Variants in KIAA1217 observed in about 807,000 individuals in gnomAD.
KIAA1217 encodes the protein sickle tail protein homolog.
In KIAA1217, 88 loss-of-function variants were observed where a neutral mutation model predicts 163.9. The observed-to-expected ratio is 0.54, with a 90% CI of 0.45 to 0.64. The LOEUF (loss-of-function observed/expected upper bound fraction) is 0.64, where lower values mean the gene tolerates loss of function less well. Ranked by LOEUF, KIAA1217 falls within the 30% of genes least tolerant of loss-of-function variation. The pLI, the probability that KIAA1217 is intolerant of heterozygous loss-of-function variation, is 0.00. For synonymous variants in KIAA1217, 903 were observed against 923.1 expected (o/e 0.98, Z 0.39); for missense variants, 2,372 against 2,475.0 (o/e 0.96, Z 0.88).
intron 2 of KIAA1217, among the ~76,000 whole-genome samples, chr10:24,189,310 G>C (rs757265574): frequency 6.6e-6 from 1 of 152,062 alleles, no homozygotes; most frequent in Non-Finnish European, 1.5e-5. Context: ...GGAGCACAGA[G>C]ATCATAGGAT....
chr10:24,223,990 T>G (rs1426119851), intron 2 of KIAA1217, among the ~76,000 whole-genome samples: 3 of 152,160 alleles, frequency 2.0e-5, no homozygotes, highest in Admixed American at 6.5e-5. Context: ...CACTGGAAGA[T>G]TCACGGTTGC....
chr10:24,479,479 G>T (rs188532504), intron 6 of KIAA1217, among the ~76,000 whole-genome samples: 1 of 151,690 alleles, frequency 6.6e-6, no homozygotes, highest in African/African-American at 2.4e-5. Flanking sequence ...CCACATCAGC[G>T]ATATCCTAAG....
At chr10:23,918,351 A>G (rs1842708747) in intron 1 of KIAA1217, among the ~76,000 whole-genome samples, 1 of 152,114 alleles carries the variant, frequency 6.6e-6, no homozygotes, top group South Asian at 2.1e-4. Flanking sequence ...CTAATGAGAA[A>G]TTGGCTCATC....
chr10:23,796,380 T>C (rs1836205354), intron 1 of KIAA1217, among the ~76,000 whole-genome samples: 2 of 152,244 alleles, frequency 1.3e-5, no homozygotes, highest in South Asian at 4.2e-4. Context: ...TATTTTTTAA[T>C]TGAGACGAAG....
chr10:23,738,183 C>A (rs1324984688), intron 1 of KIAA1217, among the ~76,000 whole-genome samples: 4 of 151,968 alleles, frequency 2.6e-5, no homozygotes, highest in South Asian at 2.1e-4. Context: ...TGAAAAAATT[C>A]TTTAAGTTTA....
At chr10:23,934,323 T>C (rs573270760) in intron 1 of KIAA1217, among the ~76,000 whole-genome samples, 77 of 149,676 alleles carry the variant, frequency 5.1e-4, no homozygotes, top group African/African-American at 1.8e-3. Context: ...CACTTGGGAG[T>C]TGAACATTGA....
At chr10:24,305,849 A>C (rs543587167) in intron 2 of KIAA1217, among the ~76,000 whole-genome samples, 11 of 152,290 alleles carry the variant, frequency 7.2e-5, no homozygotes, top group African/African-American at 2.6e-4. Flanking sequence ...GGCTCAGCAG[A>C]GACCTCAGCC....
At chr10:23,910,341 G>A (rs1842382001) in intron 1 of KIAA1217, among the ~76,000 whole-genome samples, 1 of 152,028 alleles carries the variant, frequency 6.6e-6, no homozygotes, top group Admixed American at 6.6e-5. Context: ...AAGTAGATAA[G>A]CGATTTCAAA....
intron 3 of KIAA1217, among the ~76,000 whole-genome samples, chr10:24,390,863 G>A (rs1170899496): frequency 6.6e-6 from 1 of 152,164 alleles, no homozygotes; most frequent in African/African-American, 2.4e-5. Flanking sequence ...TATGAGGCTT[G>A]CTGAAAAAAG....
chr10:24,101,917 A>G (rs898633653), intron 2 of KIAA1217, among the ~76,000 whole-genome samples: 3 of 152,144 alleles, frequency 2.0e-5, no homozygotes, highest in African/African-American at 7.2e-5. Flanking sequence ...ATTAATGGAT[A>G]TGGGATTTCT....
intron 1 of KIAA1217, among the ~76,000 whole-genome samples, chr10:23,932,862 C>G (rs1564543835): frequency 6.6e-6 from 1 of 151,950 alleles, no homozygotes; most frequent in Non-Finnish European, 1.5e-5. Flanking sequence ...AATAATGAAG[C>G]AAAAATAAAT....
chr10:23,703,387 C>T (rs1194966263), intron 1 of KIAA1217, among the ~76,000 whole-genome samples: 1 of 152,182 alleles, frequency 6.6e-6, no homozygotes, highest in Non-Finnish European at 1.5e-5. Flanking sequence ...GTCCCATCTG[C>T]AAATTCCCTG....
intron 2 of KIAA1217, among the ~76,000 whole-genome samples, chr10:24,037,924 T>C (rs556683251): frequency 1.3e-5 from 2 of 152,370 alleles, no homozygotes; most frequent in African/African-American, 4.8e-5. Context: ...ATTATTCATT[T>C]CTTATTTTAA....
rs371798266 is a variant in KIAA1217, at chr10:23,936,102, CACA to C, written c.-320-71116_-320-71114del. 1.4e-3 allele frequency among the ~76,000 whole-genome samples: 220 copies of C among 152,258 alleles called. 3 individuals are homozygous for C. Among genetic ancestry groups the C allele is most frequent in the African/African-American group, 4.9e-3 (204 of 41,564 alleles). ...AGCCTGAGGACCTTCTGTTAAAGCA[CACA>C]ACAACACTGGGAGCCACCTCACAGG... is the stretch of plus-strand genomic sequence containing the variant. On this transcript the variant is annotated intron_variant, in intron 1 of 18. Coordinates refer to the KIAA1217 transcript ENST00000376462.
intron 1 of KIAA1217, among the ~76,000 whole-genome samples, chr10:23,901,595 A>G (rs952724360): frequency 6.6e-6 from 1 of 152,042 alleles, no homozygotes; most frequent in African/African-American, 2.4e-5. Context: ...TAATTGTACC[A>G]TATCATTAAT....
At chr10:23,869,233 A>C (rs1256928879) in intron 1 of KIAA1217, among the ~76,000 whole-genome samples, 1 of 149,786 alleles carries the variant, frequency 6.7e-6, no homozygotes, top group Non-Finnish European at 1.5e-5. Context: ...TATGGAAAAT[A>C]GATGACTCTT....
Position 24,001,727 on chromosome 10 carries a change from G to T in KIAA1217, c.-320-5498G>T, listed in dbSNP as rs992447805. 6.6e-5 allele frequency among the ~76,000 whole-genome samples: 10 copies of T among 152,192 alleles called. 2 individuals are homozygous for T. The highest frequency in any genetic ancestry group is 6.5e-4 in the Admixed American group (10 of 15,276). On this transcript the variant is annotated intron_variant, in intron 1 of 18. Transcript: ENST00000376462. ...TTTGCACCAGAGAAAGTTCTTGATT[G>T]TAAGAAACAGAAGTTTGCCTGAGCG...
In KIAA1217 at chr10:24,252,819, A is replaced by G. The variant is rs182953134; in HGVS notation, c.354+32910A>G. ...CAGAGGAGGAAACAGATATACAGAT[A>G]ATTTTAGATGGAGATACCTGCCATG... On this transcript the variant is annotated intron_variant, in intron 2 of 20. Coordinates refer to ENST00000376454, the MANE Select transcript of KIAA1217 (RefSeq NM_019590.5). 4.4e-3 allele frequency among the ~76,000 whole-genome samples: 674 copies of G among 152,020 alleles called. 6 individuals carry two copies. Among genetic ancestry groups the G allele is most frequent in the African/African-American group, 0.016 (644 of 41,484 alleles).
chr10:24,393,569 C>G (rs1224064221), intron 3 of KIAA1217, among the ~76,000 whole-genome samples: 1 of 152,290 alleles, frequency 6.6e-6, no homozygotes, highest in East Asian at 1.9e-4. Flanking sequence ...CTCCCAAATT[C>G]ATATGTTGAA....
Sources: gnomAD v4.1 joint callset for allele counts (sites outside exome capture counted in the v4.1 genomes callset) on GRCh38, gnomAD v4.1.1 for gene constraint, MANE v1.5 for transcripts, NCBI Gene and HGNC (gene_info 2026-07-23, HGNC 2026-07-21) for gene names.